PCDHA7: variants seen among roughly 807,000 people sequenced by gnomAD.
The protein encoded by PCDHA7 is protocadherin alpha-7.
Under a neutral mutation model 57.2 loss-of-function variants are expected in PCDHA7, and 37 were observed. The observed-to-expected ratio is 0.65, with a 90% confidence interval of 0.50 to 0.85. The LOEUF (loss-of-function observed/expected upper bound fraction) is 0.85. PCDHA7 is among the 40% of genes least tolerant of loss of function. PCDHA7 has a pLI of 0.00. For synonymous variants in PCDHA7, 553 were observed against 558.8 expected, an observed-to-expected ratio of 0.99 and a Z score of 0.15; for missense variants, 1,188 against 1,241.8, an observed-to-expected ratio of 0.96 and a Z score of 0.65.
chr5:141,006,351 A>G (rs537027677), intron 3 of PCDHA7, among the ~76,000 whole-genome samples: 1 of 151,966 alleles, frequency 6.6e-6, no homozygotes, highest in Non-Finnish European at 1.5e-5. Flanking sequence ...AGCTGGGACT[A>G]TAGGCGCCCA....
chr5:140,869,264 T>C (rs782308224), intron 1 of PCDHA7: 1 of 1,613,438 alleles, frequency 6.2e-7, no homozygotes, highest in South Asian at 1.1e-5. Context: ...GACCTGGGGC[T>C]GGAGCTGGCG....
At chr5:140,932,967 T>C (rs367764644) in intron 1 of PCDHA7, among the ~76,000 whole-genome samples, 2 of 152,036 alleles carry the variant, frequency 1.3e-5, no homozygotes, top group South Asian at 2.1e-4. Context: ...TGCTGAAAGG[T>C]TTTTACAATG....
In PCDHA7 at chr5:140,884,802, ACTCTGC is replaced by A. The variant is rs2060361534; in HGVS notation, c.2355+48065_2355+48070del. The A allele has an allele frequency of 4.1e-6, 5 of 1,232,140 alleles. No individual in the cohort carries two copies. The South Asian group carries it at 9.1e-5, about 22-fold the overall frequency. The allele number at this position is 1,232,140 out of a possible 1,614,324, so 76.3% of individuals were successfully genotyped here. A position where few individuals can be genotyped will look rare whatever the true frequency, so the allele number is the denominator to read the frequency against. ...TTGCTAGTTGTTATCGAATTTAACA[ACTCTGC>A]TGTGGACATTATGTGTTGGATTATC... is the stretch of plus-strand genomic sequence containing the variant. On this transcript the variant is annotated intron_variant, in intron 1 of 3. Transcript: ENST00000525929.
At chr5:140,978,910 T>C in intron 1 of PCDHA7, 39 bp from the exon 2 acceptor site, 1 of 1,613,896 alleles carries the variant, frequency 6.2e-7, no homozygotes, top group Non-Finnish European at 8.5e-7. Context: ...GAACATTGTC[T>C]TGTCATTTTA....
Position 140,839,560 on chromosome 5 carries a change from T to C in PCDHA7, c.2355+2822T>C, listed in dbSNP as rs1438393943. On this transcript the variant is annotated intron_variant, in intron 1 of 3. Transcript: ENST00000525929. ...ACACACCACCATGCCCAACTAATTT[T>C]TGTATTTTTTGTAGAGATGGGGTCT... Among the ~76,000 whole-genome samples the C allele has an allele frequency of 2.0e-5, 3 of 151,986 alleles. No individual in the cohort carries two copies. In the East Asian group the frequency reaches 5.8e-4, roughly 29 times the overall value.
rs114918834 is a variant in PCDHA7, at chr5:140,920,894, T to C, written c.2356-58055T>C. 7.8e-3 allele frequency among the ~76,000 whole-genome samples: 1,179 copies of C among 151,482 alleles called. 6 individuals carry two copies. The highest frequency in any genetic ancestry group is 0.019 in the African/African-American group (771 of 41,278). Reference sequence around the variant, plus strand: ...GTGGCCCTTAGAACTTAAAGTCATATTTTGGTTCTCAAATCAGTTCCAAGA... The same window carrying C: ...GTGGCCCTTAGAACTTAAAGTCATACTTTGGTTCTCAAATCAGTTCCAAGA... On this transcript the variant is annotated intron_variant, in intron 1 of 3. Coordinates refer to ENST00000525929, the MANE Select transcript of PCDHA7 (RefSeq NM_018910.3).
intron 1 of PCDHA7, among the ~76,000 whole-genome samples, chr5:140,956,217 T>C (rs1554222303): frequency 1.1e-4 from 17 of 152,208 alleles, no homozygotes. Flanking sequence ...GGCATCCTTG[T>C]CTTGTGCTGG....
chr5:140,939,466 AT>A (rs1364092543), intron 1 of PCDHA7, among the ~76,000 whole-genome samples: 31 of 152,168 alleles, frequency 2.0e-4, no homozygotes, highest in African/African-American at 7.5e-4. Flanking sequence ...TAGGCCTAGA[AT>A]TCTCTTCATG....
chr5:140,884,518 C>G, intron 1 of PCDHA7: 2 of 1,614,054 alleles, frequency 1.2e-6, no homozygotes, highest in Non-Finnish European at 1.7e-6. Context: ...GTTGGTCGTA[C>G]TCGCAGCAGA....
chr5:140,957,594 A>C (rs2095369947), intron 1 of PCDHA7, among the ~76,000 whole-genome samples: 1 of 152,154 alleles, frequency 6.6e-6, no homozygotes, highest in Non-Finnish European at 1.5e-5. Context: ...AGCACTTCCC[A>C]GAATAAACAC....
intron 1 of PCDHA7, among the ~76,000 whole-genome samples, chr5:140,908,023 A>G (rs797031285): frequency 5.9e-5 from 9 of 152,314 alleles, no homozygotes; most frequent in Admixed American, 2.6e-4. Context: ...GCTACAGCCC[A>G]TTAATCAGTA....
chr5:140,852,738 C>A, intron 1 of PCDHA7: 1 of 983,624 alleles, frequency 1.0e-6, no homozygotes, highest in Non-Finnish European at 1.2e-6. Flanking sequence ...TTTCATGTGC[C>A]ATTTAAACTT....
rs781837708 is a variant in PCDHA7, at chr5:140,875,917, GAC to G, written c.2355+39180_2355+39181del. On this transcript the variant is annotated intron_variant, in intron 1 of 3. Coordinates refer to ENST00000525929, the MANE Select transcript of PCDHA7 (RefSeq NM_018910.3). Reference sequence around the variant, plus strand: ...ACCTGTTTCTGAATCTGCGCCTCTGGACTCTCATTTTCCTCTAGAGGGCGCTT... The same window carrying G: ...ACCTGTTTCTGAATCTGCGCCTCTGGTCTCATTTTCCTCTAGAGGGCGCTT... 20 of 1,614,146 alleles carry G rather than the reference GAC, an allele frequency of 1.2e-5. 1 individual carries two copies. In the South Asian group the frequency reaches 2.1e-4, roughly 17 times the overall value.
intron 1 of PCDHA7, among the ~76,000 whole-genome samples, chr5:140,893,506 A>AT (rs1270469461): frequency 6.6e-6 from 1 of 152,170 alleles, no homozygotes; most frequent in African/African-American, 2.4e-5. Context: ...AGAAAAAAAA[A>AT]GCAGTTGTAG....
intron 1 of PCDHA7, chr5:140,862,613 A>G (rs1247840424): frequency 7.6e-6 from 4 of 522,928 alleles, no homozygotes; most frequent in Non-Finnish European, 1.6e-5. Flanking sequence ...GTGAAAGGTA[A>G]CAACCCGCGG....
intron 1 of PCDHA7, chr5:140,967,575 C>T: frequency 6.2e-7 from 1 of 1,614,156 alleles, no homozygotes. Context: ...CGGGAGGACT[C>T]ACCCCCAGGC....
chr5:140,847,219 G>A (rs2150398133), intron 1 of PCDHA7, among the ~76,000 whole-genome samples: 4 of 149,610 alleles, frequency 2.7e-5, no homozygotes, highest in African/African-American at 9.8e-5. Context: ...GAATTAATTG[G>A]GAGCTATTTA....
intron 1 of PCDHA7, among the ~76,000 whole-genome samples, chr5:140,940,668 C>T (rs1475667382): frequency 3.3e-5 from 5 of 152,166 alleles, no homozygotes; most frequent in African/African-American, 1.2e-4. Flanking sequence ...AAATCTTCAT[C>T]TGATAATTCC....
chr5:140,870,825 C>T, intron 1 of PCDHA7: 1 of 1,613,726 alleles, frequency 6.2e-7, no homozygotes, highest in Non-Finnish European at 8.5e-7. Flanking sequence ...GCGCGGGAGG[C>T]GCAGTTAACA....
Sources: allele counts gnomAD v4.1 joint callset (sites outside exome capture counted in the v4.1 genomes callset), GRCh38; gene constraint gnomAD v4.1.1; transcripts MANE v1.5; gene names NCBI Gene and HGNC (gene_info 2026-07-23, HGNC 2026-07-21).